TTLL7: variants seen among roughly 807,000 people sequenced by gnomAD.
TTLL7 encodes the protein tubulin tyrosine ligase like 7.
TTLL7 carries 53 observed loss-of-function variants against 120.2 expected under a neutral mutation model. The observed-to-expected ratio is 0.44, with a 90% CI of 0.35 to 0.55. The LOEUF is 0.55. Ranked by LOEUF, TTLL7 falls within the 20% of genes least tolerant of loss-of-function variation. The probability of loss-of-function intolerance (pLI) is 0.00; values close to 1 mark genes in which losing one functional copy is unlikely to be tolerated. For synonymous variants in TTLL7, 353 were observed against 351.7 expected (o/e 1.00, Z -0.04); for missense variants, 803 against 1,054.7 (o/e 0.76, Z 3.31).
chr1:83,906,628 T>C (rs1229708222), intron 16 of TTLL7, 165 bp from the exon 17 acceptor site: 1 of 872,278 alleles, frequency 1.1e-6, no homozygotes, highest in Non-Finnish European at 1.8e-6. Flanking sequence ...TTGGATTAAA[T>C]GGATATGAAT....
intron 7 of TTLL7, among the ~76,000 whole-genome samples, chr1:83,941,518 T>C (rs932934859): frequency 6.6e-6 from 1 of 152,216 alleles, no homozygotes; most frequent in African/African-American, 2.4e-5. Flanking sequence ...TTCATTTTAT[T>C]GAACATAGTA....
intron 1 of TTLL7, among the ~76,000 whole-genome samples, chr1:83,985,625 C>T (rs1008332446): frequency 3.9e-5 from 6 of 151,950 alleles, no homozygotes; most frequent in East Asian, 1.9e-4. Context: ...AGACGGGGGA[C>T]GATTGCTTGA....
At chr1:83,923,412 G>A (rs1658846964) in intron 10 of TTLL7, among the ~76,000 whole-genome samples, 1 of 151,394 alleles carries the variant, frequency 6.6e-6, no homozygotes, top group Non-Finnish European at 1.5e-5. Flanking sequence ...ACTAAGAGGA[G>A]ATGAAAATAA....
intron 18 of TTLL7, among the ~76,000 whole-genome samples, chr1:83,895,140 G>C (rs545969542): frequency 6.6e-6 from 1 of 152,160 alleles, no homozygotes; most frequent in Admixed American, 6.6e-5. Context: ...TCCTTTATTA[G>C]CAAGCACCTT....
At chr1:83,914,323 CTTTTTT>C (rs1171299360) in intron 14 of TTLL7, among the ~76,000 whole-genome samples, 9 of 78,244 alleles carry the variant, frequency 1.2e-4, no homozygotes, top group Middle Eastern at 0.015. Flanking sequence ...CTCTCTCTCT[CTTTTTT>C]TTTTTTTTTT....
At chr1:83,881,096 T>C (rs1313541811) in intron 20 of TTLL7, among the ~76,000 whole-genome samples, 2 of 150,326 alleles carry the variant, frequency 1.3e-5, no homozygotes, top group Admixed American at 6.6e-5. Context: ...TAATTCAAGA[T>C]GGATTAAAGA....
At position 83,931,933 on chromosome 1, in the gene TTLL7, A is replaced by T. The variant is rs531539859; in HGVS notation, c.1047+1675T>A. On this transcript the variant is annotated intron_variant, in intron 9 of 20. Transcript: ENST00000260505. ...AGCAGGGAGCAAAACACAAGGCAAG[A>T]TTGAAGATTCTTTTAACTGTTTTAA... Among the ~76,000 whole-genome samples the T allele has an allele frequency of 5.1e-4, 78 of 152,320 alleles. 1 individual carries two copies. Among genetic ancestry groups the T allele is most frequent in the African/African-American group, 1.8e-3 (75 of 41,582 alleles).
intron 20 of TTLL7, among the ~76,000 whole-genome samples, chr1:83,873,244 G>A (rs578072104): frequency 1.3e-5 from 2 of 152,228 alleles, no homozygotes; most frequent in East Asian, 3.9e-4. Context: ...TACATTGGAA[G>A]AAACACTTTT....
At chr1:83,941,927 C>T (rs1648016238) in intron 7 of TTLL7, among the ~76,000 whole-genome samples, 1 of 152,120 alleles carries the variant, frequency 6.6e-6, no homozygotes, top group Admixed American at 6.5e-5. Context: ...TGTAAGTTGA[C>T]AGCCTTCCTT....
intron 19 of TTLL7, among the ~76,000 whole-genome samples, chr1:83,889,516 A>G (rs558298841): frequency 6.6e-6 from 1 of 152,220 alleles, no homozygotes; most frequent in East Asian, 1.9e-4. Context: ...GGTCCTTAGC[A>G]CCTATCTGTG....
chr1:83,898,000 C>T (rs1297594216), intron 18 of TTLL7, among the ~76,000 whole-genome samples: 1 of 151,838 alleles, frequency 6.6e-6, no homozygotes, highest in Non-Finnish European at 1.5e-5. Flanking sequence ...GATTAACATG[C>T]ATCTAATGTA....
intron 4 of TTLL7, 125 bp from the exon 5 acceptor site, chr1:83,948,820 A>G: frequency 1.6e-6 from 1 of 638,440 alleles, no homozygotes. Flanking sequence ...TTAATCTAAA[A>G]GATTTAATGT....
At chr1:83,911,530 A>C (rs917722108) in intron 14 of TTLL7, among the ~76,000 whole-genome samples, 167 bp from the exon 15 acceptor site, 1 of 152,160 alleles carries the variant, frequency 6.6e-6, no homozygotes, top group Non-Finnish European at 1.5e-5. Context: ...AGTGCTATGC[A>C]TTGATTGTTG....
chr1:83,893,374 A>G (rs1655944027), intron 18 of TTLL7, among the ~76,000 whole-genome samples: 1 of 151,692 alleles, frequency 6.6e-6, no homozygotes, highest in Non-Finnish European at 1.5e-5. Context: ...ATTCTTTTGT[A>G]AAAAAACAAA....
intron 18 of TTLL7, among the ~76,000 whole-genome samples, chr1:83,892,347 CGAATATATATGAAT>C (rs1655604257): frequency 9.8e-6 from 1 of 101,622 alleles, no homozygotes; most frequent in African/African-American, 3.5e-5. Context: ...AATATATATA[CGAATATATATGAAT>C]ATATATACGA....
chr1:83,988,170 A>G (rs774830855), intron 1 of TTLL7, among the ~76,000 whole-genome samples: 13 of 152,204 alleles, frequency 8.5e-5, no homozygotes, highest in Non-Finnish European at 1.8e-4. Context: ...TTTGCTTAAG[A>G]TAATGGCCTC....
At chr1:83,946,650 CCAATTACCATGGCTA>C (rs1237992069) in intron 6 of TTLL7, among the ~76,000 whole-genome samples, 1 of 152,084 alleles carries the variant, frequency 6.6e-6, no homozygotes, top group Non-Finnish European at 1.5e-5. Context: ...CATTTTTAAT[CCAATTACCATGGCTA>C]CATAAAGAAA....
intron 18 of TTLL7, among the ~76,000 whole-genome samples, chr1:83,893,652 C>T (rs1184022101): frequency 6.6e-6 from 1 of 151,870 alleles, no homozygotes; most frequent in South Asian, 2.1e-4. Context: ...TATCTCTGAT[C>T]AAGGCAAATT....
intron 18 of TTLL7, among the ~76,000 whole-genome samples, chr1:83,899,544 G>GA (rs1300912701): frequency 6.6e-6 from 1 of 151,650 alleles, no homozygotes; most frequent in Non-Finnish European, 1.5e-5. Context: ...ATTTTTCTGC[G>GA]AAAAAAATAG....
Sources: allele counts gnomAD v4.1 joint callset (sites outside exome capture counted in the v4.1 genomes callset), GRCh38; gene constraint gnomAD v4.1.1; transcripts MANE v1.5; gene names NCBI Gene and HGNC (gene_info 2026-07-23, HGNC 2026-07-21).